Variants in HAPLN1 observed in about 807,000 individuals in gnomAD.
The protein encoded by HAPLN1 is hyaluronan and proteoglycan link protein 1, also known as Cartilage link protein.
Under a neutral mutation model 36.5 loss-of-function variants are expected in HAPLN1, and 13 were observed. That is an observed-to-expected ratio of 0.36 (90% confidence interval 0.23 to 0.57). HAPLN1 has a LOEUF of 0.57. Ranked by LOEUF, HAPLN1 falls within the 20% of genes least tolerant of loss-of-function variation. The pLI, the probability that HAPLN1 is intolerant of heterozygous loss-of-function variation, is 0.83. For synonymous variants in HAPLN1, 202 were observed against 169.8 expected (o/e 1.19, Z -1.48); for missense variants, 407 against 439.7 (o/e 0.93, Z 0.66).
At chr5:83,659,206 G>A (rs982677683) in intron 2 of HAPLN1, among the ~76,000 whole-genome samples, 10 of 151,954 alleles carry the variant, frequency 6.6e-5, no homozygotes, top group South Asian at 4.2e-4. Context: ...TCTGGGAGGC[G>A]GAGGTTGCAG....
chr5:83,705,196 C>T (rs1485771221), intron 1 of HAPLN1, among the ~76,000 whole-genome samples: 2 of 151,958 alleles, frequency 1.3e-5, no homozygotes, highest in African/African-American at 2.4e-5. Context: ...TTAAGACCAG[C>T]CTGGCCAGCA....
rs185231518 is a variant in HAPLN1, at chr5:83,641,603, T to C, written c.958A>G (p.Arg320Gly). 213 of 1,614,172 alleles carry C rather than the reference T, an allele frequency of 1.3e-4. 2 individuals are homozygous for C. The highest frequency in any genetic ancestry group is 1.6e-5 in the Non-Finnish European group (19 of 1,180,038). Reference sequence around the variant, plus strand: ...GTAGGACTGCAGCGCCTTCTTGGCCTAGAGATGGGGTAGCGGACGCTGCCA... The same window carrying C: ...GTAGGACTGCAGCGCCTTCTTGGCCCAGAGATGGGGTAGCGGACGCTGCCA... ...ADGSVRYPIS[R>G]PRRRCSPTEA... Residue 320 changes from arginine (R) to glycine (G), a missense_variant, in exon 5 of 5, where the codon AGG becomes GGG. Coordinates refer to ENST00000274341, the MANE Select transcript of HAPLN1 (RefSeq NM_001884.4).
chr5:83,659,382 T>G (rs1426607701), intron 2 of HAPLN1, among the ~76,000 whole-genome samples: 1 of 152,184 alleles, frequency 6.6e-6, no homozygotes, highest in Non-Finnish European at 1.5e-5. Flanking sequence ...TTACCATTTA[T>G]GAGAATTCAA....
intron 1 of HAPLN1, among the ~76,000 whole-genome samples, chr5:83,694,186 T>C (rs964250067): frequency 3.6e-4 from 54 of 151,840 alleles, no homozygotes; most frequent in Non-Finnish European, 6.3e-4. Flanking sequence ...GCACAAAATT[T>C]TAAATAACCC....
intron 4 of HAPLN1, 150 bp from the exon 5 acceptor site, chr5:83,641,935 A>G (rs1580114464): frequency 9.0e-6 from 7 of 774,526 alleles, no homozygotes; most frequent in East Asian, 7.8e-5. Flanking sequence ...TCAATTAAAT[A>G]TAGTGTCCCT....
chr5:83,667,926 G>A (rs919639899), intron 2 of HAPLN1, among the ~76,000 whole-genome samples: 7 of 152,320 alleles, frequency 4.6e-5, no homozygotes. Context: ...TTATGTGGGA[G>A]CCATGCACAA....
At chr5:83,655,180 G>A (rs780731688) in intron 2 of HAPLN1, among the ~76,000 whole-genome samples, 6 of 152,172 alleles carry the variant, frequency 3.9e-5, no homozygotes, top group Non-Finnish European at 8.8e-5. Flanking sequence ...AATTTGGGAG[G>A]TTTAGTTTAA....
At chr5:83,686,142 C>CAAAAAAAAAAAAAAAAAAA (rs535353958) in intron 1 of HAPLN1, 1 of 81,642 alleles carries the variant, frequency 1.2e-5, no homozygotes, top group African/African-American at 4.5e-5. Flanking sequence ...AAAATGTAGC[C>CAAAAAAAAAAAAAAAAAAA]AAAAAAAAAA....
chr5:83,651,741 G>A (rs1750068671), intron 3 of HAPLN1, among the ~76,000 whole-genome samples: 1 of 152,134 alleles, frequency 6.6e-6, no homozygotes, highest in Non-Finnish European at 1.5e-5. Context: ...AAGGTGTCCT[G>A]TGATCCATGA....
At chr5:83,671,052 C>T (rs986253375) in intron 2 of HAPLN1, among the ~76,000 whole-genome samples, 14 of 151,944 alleles carry the variant, frequency 9.2e-5, no homozygotes, top group Non-Finnish European at 1.6e-4. Flanking sequence ...GTCTATATCT[C>T]TATAAAACCT....
intron 1 of HAPLN1, among the ~76,000 whole-genome samples, chr5:83,711,629 G>C (rs1751787765): frequency 1.3e-5 from 2 of 152,186 alleles, no homozygotes; most frequent in Admixed American, 1.3e-4. Flanking sequence ...AAATTTTCTA[G>C]TTTGGGTGAT....
chr5:83,657,061 T>TG (rs1159534681), intron 2 of HAPLN1, among the ~76,000 whole-genome samples: 1 of 151,744 alleles, frequency 6.6e-6, no homozygotes, highest in African/African-American at 2.4e-5. Flanking sequence ...AAGGAAAGGG[T>TG]GCTATGGATC....
At position 83,705,321 on chromosome 5, in the gene HAPLN1, C is replaced by T. The variant is rs189641517; in HGVS notation, c.-27+15468G>A. Among the ~76,000 whole-genome samples the T allele has an allele frequency of 1.1e-3, 138 of 130,180 alleles. 1 individual carries two copies. The highest frequency in any genetic ancestry group is 3.9e-3 in the African/African-American group (132 of 34,260). The allele number at this position is 130,180 out of a possible 152,430, so 85.4% of individuals were successfully genotyped here. On this transcript the variant is annotated intron_variant, in intron 1 of 4. Transcript: ENST00000274341. ...AGGAGAACCACTTGAACCTGGGAGG[C>T]GGAGATTTCAGTGAGCCGAGATCGC...
chr5:83,662,545 GA>G (rs1209386008), intron 2 of HAPLN1, among the ~76,000 whole-genome samples: 1 of 152,056 alleles, frequency 6.6e-6, no homozygotes, highest in East Asian at 1.9e-4. Context: ...AAGAACACAA[GA>G]AAATGAAATA....
rs934304019 is a variant in HAPLN1, at chr5:83,641,928, A to G, written c.776-143T>C. The G allele has an allele frequency of 1.8e-4, 146 of 822,180 alleles. 1 individual carries two copies. The highest frequency in any genetic ancestry group is 1.1e-3 in the Middle Eastern group (3 of 2,688). The allele number at this position is 822,180 out of a possible 1,614,324, so 50.9% of individuals were successfully genotyped here. Reference sequence around the variant, plus strand: ...AAATTTTGGGAACATAGAAATGTCAATTAAATATAGTGTCCCTACGTCACT... The same window carrying G: ...AAATTTTGGGAACATAGAAATGTCAGTTAAATATAGTGTCCCTACGTCACT... On this transcript the variant is annotated intron_variant, in intron 4 of 4. Transcript: ENST00000274341.
At chr5:83,669,820 T>G (rs1750655524) in intron 2 of HAPLN1, among the ~76,000 whole-genome samples, 1 of 152,202 alleles carries the variant, frequency 6.6e-6, no homozygotes, top group Non-Finnish European at 1.5e-5. Flanking sequence ...CTCATTTAAT[T>G]CTCACAAAGC....
chr5:83,674,396 A>G lies in HAPLN1; in HGVS notation c.-26-847T>C, dbSNP rs1750813342. On this transcript the variant is annotated intron_variant, in intron 1 of 4. Coordinates refer to ENST00000274341, the MANE Select transcript of HAPLN1 (RefSeq NM_001884.4). ...ACAGGGAGGCACAGATCTGGTCCTA[A>G]GTGAAAAAGGCAGAGCCATCACTTG... 2.0e-5 allele frequency: 3 copies of G among 152,208 alleles called. No individual in the cohort carries two copies. In the East Asian group the frequency reaches 5.8e-4, roughly 29 times the overall value. 9.4% of individuals were successfully genotyped at this position (152,208 alleles called of 1,614,324 possible).
At chr5:83,672,828 A>T (rs73133845) in intron 2 of HAPLN1, among the ~76,000 whole-genome samples, 2,748 of 152,266 alleles carry the variant, frequency 0.018, 103 homozygotes, top group African/African-American at 0.063. Context: ...CCTCATCTGA[A>T]GCTGGGACTG....
At chr5:83,710,166 T>C (rs1379188152) in intron 1 of HAPLN1, among the ~76,000 whole-genome samples, 1 of 152,142 alleles carries the variant, frequency 6.6e-6, no homozygotes, top group Admixed American at 6.5e-5. Context: ...CTGAGTGCAG[T>C]GTGATGCATG....
Sources: allele counts gnomAD v4.1 joint callset (sites outside exome capture counted in the v4.1 genomes callset), GRCh38; gene constraint gnomAD v4.1.1; transcripts MANE v1.5; gene names NCBI Gene and HGNC (gene_info 2026-07-23, HGNC 2026-07-21).